Variants in COL14A1 observed in about 807,000 individuals in gnomAD.
COL14A1 encodes the protein collagen type XIV alpha 1 chain.
A neutral mutation model predicts 230.3 loss-of-function variants in COL14A1; 136 were observed. That is an observed-to-expected ratio of 0.59 (90% CI 0.51 to 0.68). The LOEUF is 0.68. COL14A1 is among the 30% of genes least tolerant of loss of function. COL14A1 has a pLI of 0.00. For missense variants in COL14A1, 1,976 were observed against 2,215.8 expected, an observed-to-expected ratio of 0.89 and a Z score of 2.17; for synonymous variants, 792 against 784.1, an observed-to-expected ratio of 1.01 and a Z score of -0.17.
chr8:120,334,460 C>T (rs918051427), intron 42 of COL14A1, among the ~76,000 whole-genome samples: 1 of 152,004 alleles, frequency 6.6e-6, no homozygotes, highest in Non-Finnish European at 1.5e-5. Flanking sequence ...AATCTGATTG[C>T]TTTATCTTCA....
At chr8:120,302,320 A>T (rs1290559536) in intron 36 of COL14A1, among the ~76,000 whole-genome samples, 5 of 102,742 alleles carry the variant, frequency 4.9e-5, no homozygotes, top group African/African-American at 3.2e-4. Context: ...GCTCGTGCCT[A>T]TGTCCTGAAA....
At chr8:120,182,781 C>CA (rs1394929344) in intron 5 of COL14A1, among the ~76,000 whole-genome samples, 1 of 134,248 alleles carries the variant, frequency 7.4e-6, no homozygotes, top group Non-Finnish European at 1.5e-5. Context: ...AGCTAAAGTG[C>CA]AATGGCGTGA....
intron 45 of COL14A1, among the ~76,000 whole-genome samples, chr8:120,356,825 TTC>T (rs1823005342): frequency 6.6e-6 from 1 of 152,116 alleles, no homozygotes; most frequent in South Asian, 2.1e-4. Flanking sequence ...ACAGATAGTT[TTC>T]TCTTTCTTTT....
chr8:120,336,801 G>C (rs955353150), intron 42 of COL14A1, among the ~76,000 whole-genome samples: 2 of 152,092 alleles, frequency 1.3e-5, no homozygotes, highest in African/African-American at 4.8e-5. Context: ...TTGTCTTTGG[G>C]GATGCTAACA....
chr8:120,227,157 A>G, intron 16 of COL14A1, 63 bp from the exon 17 acceptor site: 1 of 1,576,336 alleles, frequency 6.3e-7, no homozygotes, highest in Admixed American at 1.8e-5. Context: ...TGCTCAGAAT[A>G]ACACTTTTTC....
chr8:120,329,038 C>T (rs1180339745), intron 40 of COL14A1, among the ~76,000 whole-genome samples: 1 of 152,086 alleles, frequency 6.6e-6, no homozygotes, highest in East Asian at 1.9e-4. Flanking sequence ...GCAAAAGATG[C>T]CTTTTTGGAA....
intron 20 of COL14A1, among the ~76,000 whole-genome samples, chr8:120,245,164 C>T (rs1362615888): frequency 1.3e-5 from 2 of 152,202 alleles, no homozygotes; most frequent in African/African-American, 4.8e-5. Context: ...CTTTTCTGGC[C>T]ACCCCATGCA....
At chr8:120,288,311 G>A (rs769996924) in intron 33 of COL14A1, among the ~76,000 whole-genome samples, 7 of 152,078 alleles carry the variant, frequency 4.6e-5, no homozygotes, top group Non-Finnish European at 8.8e-5. Context: ...GGATTCTCAA[G>A]AGTCCCACTG....
intron 18 of COL14A1, among the ~76,000 whole-genome samples, chr8:120,229,201 A>T (rs1325921179): frequency 6.7e-6 from 1 of 150,190 alleles, no homozygotes; most frequent in African/African-American, 2.5e-5. Context: ...ATGCTGGTGC[A>T]CTGCACACAC....
chr8:120,184,800 A>T (rs76115563), intron 5 of COL14A1, among the ~76,000 whole-genome samples: 1 of 152,324 alleles, frequency 6.6e-6, no homozygotes, highest in African/African-American at 2.4e-5. Flanking sequence ...CAAGGCAGTC[A>T]GGCAGGCTTC....
At chr8:120,367,603 C>T (rs1423265620) in intron 46 of COL14A1, among the ~76,000 whole-genome samples, 1 of 152,050 alleles carries the variant, frequency 6.6e-6, no homozygotes, top group Non-Finnish European at 1.5e-5. Context: ...AACCCATGAC[C>T]TCCATGGTGA....
At chr8:120,313,883 CAG>C (rs3217653) in intron 37 of COL14A1, 47 bp from the exon 38 acceptor site, 493,429 of 1,134,358 alleles carry the variant, frequency 0.43, 111,647 homozygotes, top group African/African-American at 0.7. Flanking sequence ...TTCTAGATGT[CAG>C]AGAGTCTAAC....
intron 14 of COL14A1, among the ~76,000 whole-genome samples, chr8:120,219,209 C>A (rs1034604566): frequency 5.9e-5 from 9 of 152,042 alleles, no homozygotes; most frequent in African/African-American, 1.7e-4. Context: ...CTCGACCTTG[C>A]AGGCTCAGGT....
At chr8:120,327,310 T>C (rs1821710644) in intron 40 of COL14A1, among the ~76,000 whole-genome samples, 1 of 152,138 alleles carries the variant, frequency 6.6e-6, no homozygotes, top group South Asian at 2.1e-4. Context: ...TGGCCCTCAG[T>C]CAACGACTAA....
At chr8:120,325,150 G>T (rs1389477175) in intron 40 of COL14A1, among the ~76,000 whole-genome samples, 1 of 152,146 alleles carries the variant, frequency 6.6e-6, no homozygotes, top group Admixed American at 6.5e-5. Flanking sequence ...GTATACTTTT[G>T]CTGATAAATC....
intron 44 of COL14A1, among the ~76,000 whole-genome samples, 169 bp downstream of exon 44, chr8:120,342,615 G>A (rs1822345707): frequency 6.6e-6 from 1 of 152,178 alleles, no homozygotes; most frequent in Non-Finnish European, 1.5e-5. Flanking sequence ...GATCACTGCA[G>A]ATTACCCTAG....
rs549330729 is a variant in COL14A1 at position 120,227,469 on chromosome 8, T to G, written c.2137+117T>G. 7 of 1,303,110 alleles carry G rather than the reference T, an allele frequency of 5.4e-6. No homozygotes were observed. In the African/African-American group the frequency reaches 1.0e-4, roughly 19 times the overall value. 80.7% of individuals were successfully genotyped at this position (1,303,110 alleles called of 1,614,324 possible). On this transcript the variant is annotated intron_variant, in intron 17 of 47. Coordinates refer to ENST00000297848, the MANE Select transcript of COL14A1 (RefSeq NM_021110.4). ...CTATGTAAGCTTCAATTTCTCTTTGTCCCCCAGAATTCTTCATATATCTTC... is the reference window on the plus strand; with the variant it reads ...CTATGTAAGCTTCAATTTCTCTTTGGCCCCCAGAATTCTTCATATATCTTC...
intron 5 of COL14A1, among the ~76,000 whole-genome samples, chr8:120,170,854 T>C (rs1816073456): frequency 6.6e-6 from 1 of 152,040 alleles, no homozygotes; most frequent in Non-Finnish European, 1.5e-5. Context: ...AATGCATTGA[T>C]TCTCTATTCT....
intron 1 of COL14A1, among the ~76,000 whole-genome samples, chr8:120,133,230 T>TA (rs201816439): frequency 0.017 from 1,933 of 115,132 alleles, 39 homozygotes; most frequent in African/African-American, 0.047. Context: ...AAAAAAAAAA[T>TA]AAAAAAAAAA....
Sources: gnomAD v4.1 joint callset for allele counts (sites outside exome capture counted in the v4.1 genomes callset) on GRCh38, gnomAD v4.1.1 for gene constraint, MANE v1.5 for transcripts, NCBI Gene and HGNC (gene_info 2026-07-23, HGNC 2026-07-21) for gene names.